POU3F1: variants seen among roughly 807,000 people sequenced by gnomAD.
The protein encoded by POU3F1 is POU domain, class 3, transcription factor 1.
In POU3F1, 1 loss-of-function variant was observed where a neutral mutation model predicts 7.6. The ratio of observed to expected loss-of-function variants is 0.13; its 90% CI spans 0.05 to 0.62. The LOEUF (loss-of-function observed/expected upper bound fraction) is 0.62, where lower values mean the gene tolerates loss of function less well. Among genes scored for constraint, POU3F1 ranks in the 20% least tolerant of loss-of-function variants. The pLI is 0.87. For missense variants in POU3F1, 505 were observed against 679.3 expected (o/e 0.74, Z 2.85); for synonymous variants, 354 against 339.0 (o/e 1.04, Z -0.49).
Position 38,044,917 on chromosome 1 carries a change from G to C in POU3F1, c.*471C>G, listed in dbSNP as rs1024036502. The C allele has an allele frequency of 6.6e-6, 1 of 152,196 alleles. No individual in the cohort carries two copies. Among genetic ancestry groups the C allele is most frequent in the African/African-American group, 2.4e-5 (1 of 41,442 alleles). The allele number at this position is 152,196 out of a possible 1,614,324, so 9.4% of individuals were successfully genotyped here. On this transcript the variant is annotated 3_prime_UTR_variant, in exon 1 of 1. Transcript: ENST00000373012. Reference sequence around the variant, plus strand: ...AGAAGAGGCGTGTAGCGAATAAAGTGACAGCCCCCCACCCTGGACCCGCAG... The same window carrying C: ...AGAAGAGGCGTGTAGCGAATAAAGTCACAGCCCCCCACCCTGGACCCGCAG...
At position 38,045,742 on chromosome 1, in the gene POU3F1, C is replaced by G; in HGVS notation, c.1002G>C (p.Ala334=). The G allele has an allele frequency of 3.7e-6, 6 of 1,613,566 alleles. No homozygotes were observed. The highest frequency in any genetic ancestry group is 5.1e-6 in the Non-Finnish European group (6 of 1,179,840). ...GCTTCTTGCGCTTGCGGCCCTGCGC[C>G]GCGATCTTGTCCAGGTTGGTGGGGC... The part of the protein sequence containing the change: ...SGSPTNLDKI[A]AQGRKRKKRT... The change falls in exon 1 of 1, where the codon GCG becomes GCC. Residue 334 remains alanine (A), a synonymous_variant. Transcript: ENST00000373012. The surrounding 1 kb of genome is among the most constrained non-coding windows in gnomAD (Gnocchi z 9.4).
chr1:38,046,683 G>T lies in POU3F1; in HGVS notation c.61C>A (p.Pro21Thr). Residue 21 changes from proline (P) to threonine (T), a missense_variant, in exon 1 of 1, where the codon CCG becomes ACG. By Grantham distance (38) the Pro-to-Thr change is conservative (BLOSUM62 -1). Around this residue, in one of 5 missense-constraint regions of POU3F1, gnomAD observed 361 missense variants for 382.1 expected, o/e 0.94. Coordinates refer to ENST00000373012, the MANE Select transcript of POU3F1 (RefSeq NM_002699.4). The surrounding 1 kb of genome is among the most constrained non-coding windows in gnomAD (Gnocchi z 9.5). ...GCCGCGGCGTCCGGGTGCATAAGCG[G>T]CCCGGTGCCCCCGGCTCCGCCACCG... ...GPGGGAGGTG[P>T]LMHPDAAAAA... 8.3e-7 allele frequency: 1 copy of T among 1,212,110 alleles called. No homozygotes were observed. The highest frequency in any genetic ancestry group is 1.0e-6 in the Non-Finnish European group (1 of 980,082). 75.1% of individuals were successfully genotyped at this position (1,212,110 alleles called of 1,614,324 possible).
Position 38,045,366 on chromosome 1 carries a change from G to C in POU3F1, c.*22C>G. ...GCGCGCCCGCGCCCTGCAGCGCGCCGGCGGGGGCCCGGCCCGCGGGGTCAC... is the reference window on the plus strand; with the variant it reads ...GCGCGCCCGCGCCCTGCAGCGCGCCCGCGGGGGCCCGGCCCGCGGGGTCAC... On this transcript the variant is annotated 3_prime_UTR_variant, in exon 1 of 1. Coordinates refer to ENST00000373012, the MANE Select transcript of POU3F1 (RefSeq NM_002699.4). The surrounding 1 kb of genome is among the most constrained non-coding windows in gnomAD (Gnocchi z 9.4). The C allele has an allele frequency of 8.7e-7, 1 of 1,146,962 alleles. No individual in the cohort carries two copies. Among genetic ancestry groups the C allele is most frequent in the Non-Finnish European group, 1.1e-6 (1 of 926,068 alleles). 71.0% of individuals were successfully genotyped at this position (1,146,962 alleles called of 1,614,324 possible). A position where few individuals can be genotyped will look rare whatever the true frequency, so the allele number is the denominator to read the frequency against.
Position 38,046,117 on chromosome 1 carries a change from G to T in POU3F1, c.627C>A (p.Gly209=). 8 of 1,390,992 alleles carry T rather than the reference G, an allele frequency of 5.8e-6. No homozygotes were observed. The highest frequency in any genetic ancestry group is 7.5e-6 in the Non-Finnish European group (8 of 1,072,686). 86.2% of individuals were successfully genotyped at this position (1,390,992 alleles called of 1,614,324 possible). ...CATGTCCGTGTGCGTGTCCGTGGGC[G>T]CCCAGATGCGGCGGCGGCGACGGCT... ...QLEPSPPPHL[G]AHGHAHGHAH... Residue 209 remains glycine (G), a synonymous_variant, in exon 1 of 1, where the codon GGC becomes GGA. Transcript: ENST00000373012. The surrounding 1 kb of genome is among the most constrained non-coding windows in gnomAD (Gnocchi z 9.5).
chr1:38,046,473 C>T lies in POU3F1; in HGVS notation c.271G>A (p.Glu91Lys). 1 of 1,369,998 alleles carries T rather than the reference C, an allele frequency of 7.3e-7. No individual in the cohort carries two copies. Among genetic ancestry groups the T allele is most frequent in the Non-Finnish European group, 9.4e-7 (1 of 1,060,150 alleles). 84.9% of individuals were successfully genotyped at this position (1,369,998 alleles called of 1,614,324 possible). A position where few individuals can be genotyped will look rare whatever the true frequency, so the allele number is the denominator to read the frequency against. Residue 91 changes from glutamate (E) to lysine (K), a missense_variant, in exon 1 of 1, where the codon GAA becomes AAA. Coordinates refer to ENST00000373012, the MANE Select transcript of POU3F1 (RefSeq NM_002699.4). This position sits in a 1 kb window ranked among gnomAD's most constrained non-coding sequence, Gnocchi z 9.5. ...CCGCCGCCGCCTGCCTTGCCGTGTTCTAGGTGCGGGCCGCCGGCCCAATCG... is the reference window on the plus strand; with the variant it reads ...CCGCCGCCGCCTGCCTTGCCGTGTTTTAGGTGCGGGCCGCCGGCCCAATCG... ...GGDWAGGPHL[E>K]HGKAGGGGTG...
Position 38,044,492 on chromosome 1 carries a change from C to G in POU3F1, c.*896G>C, listed in dbSNP as rs572568015. 3.2e-4 allele frequency: 49 copies of G among 152,712 alleles called. No individual in the cohort carries two copies. The highest frequency in any genetic ancestry group is 1.1e-3 in the African/African-American group (46 of 41,562). The allele number at this position is 152,712 out of a possible 1,614,324, so 9.5% of individuals were successfully genotyped here. A position where few individuals can be genotyped will look rare whatever the true frequency, so the allele number is the denominator to read the frequency against. Reference sequence around the variant, plus strand: ...CTGCAGCAGGGCAGAAGCCCCTTCCCGTCTGGGTGTGTGGGAGCGCAGACC... The same window carrying G: ...CTGCAGCAGGGCAGAAGCCCCTTCCGGTCTGGGTGTGTGGGAGCGCAGACC... On this transcript the variant is annotated 3_prime_UTR_variant, in exon 1 of 1. Transcript: ENST00000373012.
rs1450910391 is a variant in POU3F1, at chr1:38,046,300, G to A, written c.444C>T (p.Ser148=). ...GPAMSPSPGA[S]GGHQPQPLGL... ...CGAGCGGCTGGGGCTGGTGGCCCCC[G>A]CTGGCCCCGGGCGAGGGCGACATGG... The change falls in exon 1 of 1, where the codon AGC becomes AGT. Residue 148 remains serine (S), a synonymous_variant. Coordinates refer to ENST00000373012, the MANE Select transcript of POU3F1 (RefSeq NM_002699.4). The surrounding 1 kb of genome is among the most constrained non-coding windows in gnomAD (Gnocchi z 9.5). 2 of 1,175,546 alleles carry A rather than the reference G, an allele frequency of 1.7e-6. No homozygotes were observed. Among genetic ancestry groups the A allele is most frequent in the Non-Finnish European group, 1.1e-6 (1 of 951,214 alleles). The allele number at this position is 1,175,546 out of a possible 1,614,324, so 72.8% of individuals were successfully genotyped here.
At position 38,045,309 on chromosome 1, in the gene POU3F1, A is replaced by C; in HGVS notation, c.*79T>G. 1.5e-5 allele frequency: 6 copies of C among 399,072 alleles called. No individual in the cohort carries two copies. Among genetic ancestry groups the C allele is most frequent in the African/African-American group, 2.2e-5 (1 of 44,894 alleles). The allele number at this position is 399,072 out of a possible 1,614,324, so 24.7% of individuals were successfully genotyped here. A position where few individuals can be genotyped will look rare whatever the true frequency, so the allele number is the denominator to read the frequency against. ...TTTTTTGTAAAATCCAAAGCAACCG[A>C]ACAAAAAGAGTCCAGGCCGCGCGGG... On this transcript the variant is annotated 3_prime_UTR_variant, in exon 1 of 1. Transcript: ENST00000373012. This position sits in a 1 kb window ranked among gnomAD's most constrained non-coding sequence, Gnocchi z 9.4.
At position 38,046,087 on chromosome 1, in the gene POU3F1, G is replaced by C. The variant is rs763855071; in HGVS notation, c.657C>G (p.His219Gln). 1.4e-6 allele frequency: 2 copies of C among 1,462,482 alleles called. No individual in the cohort carries two copies. The highest frequency in any genetic ancestry group is 2.7e-5 in the East Asian group (1 of 36,904). The allele number at this position is 1,462,482 out of a possible 1,614,324, so 90.6% of individuals were successfully genotyped here. A position where few individuals can be genotyped will look rare whatever the true frequency, so the allele number is the denominator to read the frequency against. Residue 219 changes from histidine to glutamine, a missense_variant, in exon 1 of 1, where the codon CAC becomes CAG. This residue lies in a region of POU3F1 where 361 missense variants were observed against 382.1 expected (regional missense o/e 0.94). Coordinates refer to ENST00000373012, the MANE Select transcript of POU3F1 (RefSeq NM_002699.4). This position sits in a 1 kb window ranked among gnomAD's most constrained non-coding sequence, Gnocchi z 9.5. ...GAHGHAHGHA[H>Q]AGGLHAAAAH... ...CCGCCGCCGCGTGCAGGCCGCCCGC[G>C]TGTGCATGTCCGTGTGCGTGTCCGT...
chr1:38,046,182 G>T lies in POU3F1; in HGVS notation c.562C>A (p.His188Asn). ...TGGCCATCCTCGTGCAGCGCGTGGT[G>T]CAGGCCCGGCCCCGCGCCGCCACCG... is the stretch of plus-strand genomic sequence containing the variant. Reference protein sequence around the residue: ...AGGGGAGPGLHHALHEDGHEA... With the variant: ...AGGGGAGPGLNHALHEDGHEA... The change falls in exon 1 of 1, where the codon CAC becomes AAC. Residue 188 changes from histidine to asparagine, a missense_variant. Physicochemically the swap from His to Asn is moderately conservative, Grantham distance 68 (BLOSUM62 1). Transcript: ENST00000373012. The surrounding 1 kb of genome is among the most constrained non-coding windows in gnomAD (Gnocchi z 9.5). The T allele has an allele frequency of 8.2e-7, 1 of 1,213,048 alleles. No homozygotes were observed. Among genetic ancestry groups the T allele is most frequent in the Non-Finnish European group, 1.0e-6 (1 of 976,764 alleles). 75.1% of individuals were successfully genotyped at this position (1,213,048 alleles called of 1,614,324 possible). A position where few individuals can be genotyped will look rare whatever the true frequency, so the allele number is the denominator to read the frequency against.
Position 38,045,438 on chromosome 1 carries a change from C to CCGGCGGGGG in POU3F1, c.1297_1305dup (p.Pro433_Pro435dup), listed in dbSNP as rs1186455664. The CCGGCGGGGG allele has an allele frequency of 1.4e-6, 2 of 1,441,060 alleles. No homozygotes were observed. The highest frequency in any genetic ancestry group is 1.8e-6 in the Non-Finnish European group (2 of 1,106,564). The allele number at this position is 1,441,060 out of a possible 1,614,324, so 89.3% of individuals were successfully genotyped here. On this transcript the variant is annotated inframe_insertion, in exon 1 of 1. Coordinates refer to ENST00000373012, the MANE Select transcript of POU3F1 (RefSeq NM_002699.4). The surrounding 1 kb of genome is among the most constrained non-coding windows in gnomAD (Gnocchi z 9.4). ...TGGTGGTGGTGGTGGTGCAGCGCCG[C>CCGGCGGGGG]CGGCGGGGGCGGTGGGGGCGCGGAG... is the stretch of plus-strand genomic sequence containing the variant.
Position 38,045,533 on chromosome 1 carries a change from C to A in POU3F1, c.1211G>T (p.Gly404Val), listed in dbSNP as rs756343849. 1 of 1,595,000 alleles carries A rather than the reference C, an allele frequency of 6.3e-7. No individual in the cohort carries two copies. ...GTATACATCGTCCATGGGCGGGTGG[C>A]CCGCGCCGGCCGCAGGGGTCATGCG... ...EKRMTPAAGA[G>V]HPPMDDVYAP... is the part of the protein sequence containing the mutation. Residue 404 changes from glycine to valine, a missense_variant, in exon 1 of 1, where the codon GGC becomes GTC. Physicochemically the swap from Gly to Val is moderately radical, Grantham distance 109 (BLOSUM62 -3). Transcript: ENST00000373012. The surrounding 1 kb of genome is among the most constrained non-coding windows in gnomAD (Gnocchi z 9.4).
At position 38,045,369 on chromosome 1, in the gene POU3F1, G is replaced by C. The variant is rs1646853693; in HGVS notation, c.*19C>G. ...CGCCCGCGCCCTGCAGCGCGCCGGC[G>C]GGGGCCCGGCCCGCGGGGTCACTGC... On this transcript the variant is annotated 3_prime_UTR_variant, in exon 1 of 1. Coordinates refer to ENST00000373012, the MANE Select transcript of POU3F1 (RefSeq NM_002699.4). This position sits in a 1 kb window ranked among gnomAD's most constrained non-coding sequence, Gnocchi z 9.4. 1.7e-6 allele frequency: 2 copies of C among 1,157,372 alleles called. No homozygotes were observed. The highest frequency in any genetic ancestry group is 2.1e-6 in the Non-Finnish European group (2 of 932,590). 71.7% of individuals were successfully genotyped at this position (1,157,372 alleles called of 1,614,324 possible). A position where few individuals can be genotyped will look rare whatever the true frequency, so the allele number is the denominator to read the frequency against.
chr1:38,044,231 A>G lies in POU3F1; in HGVS notation c.*1157T>C, dbSNP rs1362901263. Among the ~76,000 whole-genome samples, 8 of 152,186 alleles carry G rather than the reference A, an allele frequency of 5.3e-5. No individual in the cohort carries two copies. The highest frequency in any genetic ancestry group is 1.0e-4 in the Non-Finnish European group (7 of 68,030). On this transcript the variant is annotated 3_prime_UTR_variant, in exon 1 of 1. Coordinates refer to ENST00000373012, the MANE Select transcript of POU3F1 (RefSeq NM_002699.4). ...TATCTCACATATTTACATGGTTCCC[A>G]CCTCACCCCAAACTTGGGGAATTTC...
In POU3F1 at chr1:38,046,677, T is replaced by C. The variant is rs932645163; in HGVS notation, c.67A>G (p.Met23Val). Residue 23 changes from methionine (M) to valine (V), a missense_variant, in exon 1 of 1, where the codon ATG becomes GTG. Met to Val is a conservative substitution (Grantham distance 21). Transcript: ENST00000373012. The surrounding 1 kb of genome is among the most constrained non-coding windows in gnomAD (Gnocchi z 9.5). ...GGGAGGTGPLMHPDAAAAAAA... is the reference protein window; with the variant it reads ...GGGAGGTGPLVHPDAAAAAAA... Reference sequence around the variant, plus strand: ...GCCGCCGCCGCGGCGTCCGGGTGCATAAGCGGCCCGGTGCCCCCGGCTCCG... The same window carrying C: ...GCCGCCGCCGCGGCGTCCGGGTGCACAAGCGGCCCGGTGCCCCCGGCTCCG... The C allele has an allele frequency of 7.3e-6, 9 of 1,233,874 alleles. No homozygotes were observed. The highest frequency in any genetic ancestry group is 3.0e-6 in the Non-Finnish European group (3 of 992,120). The allele number at this position is 1,233,874 out of a possible 1,614,324, so 76.4% of individuals were successfully genotyped here. A position where few individuals can be genotyped will look rare whatever the true frequency, so the allele number is the denominator to read the frequency against.
Position 38,045,350 on chromosome 1 carries a change from C to T in POU3F1, c.*38G>A. The T allele has an allele frequency of 9.9e-7, 1 of 1,011,502 alleles. No homozygotes were observed. The highest frequency in any genetic ancestry group is 1.2e-6 in the Non-Finnish European group (1 of 814,866). 62.7% of individuals were successfully genotyped at this position (1,011,502 alleles called of 1,614,324 possible). On this transcript the variant is annotated 3_prime_UTR_variant, in exon 1 of 1. Transcript: ENST00000373012. This position sits in a 1 kb window ranked among gnomAD's most constrained non-coding sequence, Gnocchi z 9.4. ...GCCGCGCGGGCGGGCTGCGCGCCCG[C>T]GCCCTGCAGCGCGCCGGCGGGGGCC...
Position 38,044,429 on chromosome 1 carries a change from C to T in POU3F1, c.*959G>A, listed in dbSNP as rs1646846205. On this transcript the variant is annotated 3_prime_UTR_variant, in exon 1 of 1. Transcript: ENST00000373012. ...TTTGGTGTGGCCAGGAGGGCAGGGC[C>T]CCGCGGGGAGCAGGGGCCGCGCTAT... is the stretch of plus-strand genomic sequence containing the variant. 6.6e-6 allele frequency among the ~76,000 whole-genome samples: 1 copy of T among 152,248 alleles called. No individual in the cohort carries two copies.
Position 38,045,407 on chromosome 1 carries a change from A to T in POU3F1, c.1337T>A (p.Leu446Gln), listed in dbSNP as rs954336478. 1.4e-6 allele frequency: 2 copies of T among 1,410,028 alleles called. No homozygotes were observed. Among genetic ancestry groups the T allele is most frequent in the East Asian group, 2.7e-5 (1 of 37,444 alleles). 87.3% of individuals were successfully genotyped at this position (1,410,028 alleles called of 1,614,324 possible). Residue 446 changes from leucine (L) to glutamine (Q), a missense_variant, in exon 1 of 1, where the codon CTG becomes CAG. Transcript: ENST00000373012. This position sits in a 1 kb window ranked among gnomAD's most constrained non-coding sequence, Gnocchi z 9.4. Reference sequence around the variant, plus strand: ...GCGGGGTCACTGCACTGAGCCGGGCAGTGTGTGGTGGTGGTGGTGGTGCAG... The same window carrying T: ...GCGGGGTCACTGCACTGAGCCGGGCTGTGTGTGGTGGTGGTGGTGGTGCAG... ...AALHHHHHHT[L>Q]PGSVQ
At position 38,046,626 on chromosome 1, in the gene POU3F1, A is replaced by C; in HGVS notation, c.118T>G (p.Leu40Val). Residue 40 changes from leucine (L) to valine (V), a missense_variant, in exon 1 of 1, where the codon TTG (leucine) becomes GTG (valine). Around this residue, in one of 5 missense-constraint regions of POU3F1, gnomAD observed 361 missense variants for 382.1 expected, o/e 0.94. Transcript: ENST00000373012. This position sits in a 1 kb window ranked among gnomAD's most constrained non-coding sequence, Gnocchi z 9.5. ...AAAAAAAAER[L>V]HAGAAYREVQ... ...TCGCGGTACGCGGCCCCTGCATGCA[A>C]TCGCTCCGCGGCCGCCGCCGCCGCC... is the stretch of plus-strand genomic sequence containing the variant. 1 of 1,343,030 alleles carries C rather than the reference A, an allele frequency of 7.4e-7. No homozygotes were observed. Among genetic ancestry groups the C allele is most frequent in the East Asian group, 3.4e-5 (1 of 29,316 alleles). The allele number at this position is 1,343,030 out of a possible 1,614,324, so 83.2% of individuals were successfully genotyped here. A position where few individuals can be genotyped will look rare whatever the true frequency, so the allele number is the denominator to read the frequency against.
Sources: gnomAD v4.1 joint callset for allele counts (sites outside exome capture counted in the v4.1 genomes callset) on GRCh38, gnomAD v4.1.1 for gene constraint, gnomAD v4.1.1 regional missense constraint, Gnocchi (gnomAD v3.1) non-coding constraint, MANE v1.5 for transcripts, NCBI Gene and HGNC (gene_info 2026-07-23, HGNC 2026-07-21) for gene names.